Variants in CEMIP observed in about 807,000 individuals in gnomAD.
CEMIP encodes cell migration inducing hyaluronidase 1.
In CEMIP, 105 loss-of-function variants were observed where a neutral mutation model predicts 156.9. That is an observed-to-expected ratio of 0.67 (90% CI 0.57 to 0.79). The LOEUF is 0.79. Among genes scored for constraint, CEMIP ranks in the 30% least tolerant of loss-of-function variants. CEMIP has a pLI of 0.00. For synonymous variants in CEMIP, 676 were observed against 668.4 expected (o/e 1.01, Z -0.17); for missense variants, 1,457 against 1,769.4 (o/e 0.82, Z 3.17).
chr15:80,901,931 C>G (rs942562142), intron 12 of CEMIP, among the ~76,000 whole-genome samples: 1 of 152,178 alleles, frequency 6.6e-6, no homozygotes, highest in African/African-American at 2.4e-5. Context: ...CCCAAAGTCT[C>G]CACCTGAAGA....
Position 80,798,502 on chromosome 15 carries a change from G to A in CEMIP, c.-176+18888G>A, listed in dbSNP as rs115015950. Among the ~76,000 whole-genome samples the A allele has an allele frequency of 5.3e-3, 803 of 152,244 alleles. 7 individuals carry two copies. Among genetic ancestry groups the A allele is most frequent in the African/African-American group, 0.018 (738 of 41,572 alleles). On this transcript the variant is annotated intron_variant, in intron 1 of 29. Coordinates refer to ENST00000394685, the MANE Select transcript of CEMIP (RefSeq NM_001293298.2). ...TCAAATTAACAGTCTCACTAATTGT[G>A]TACAACAGTGTTATTTACACTGATA...
At chr15:80,875,787 G>A (rs143953536) in intron 3 of CEMIP, among the ~76,000 whole-genome samples, 2 of 152,170 alleles carry the variant, frequency 1.3e-5, no homozygotes, top group Non-Finnish European at 2.9e-5. Flanking sequence ...GCCCTCTTCA[G>A]ACACTTTCTG....
chr15:80,834,917 T>C (rs28669927), intron 1 of CEMIP, among the ~76,000 whole-genome samples: 1,698 of 152,288 alleles, frequency 0.011, 29 homozygotes, highest in African/African-American at 0.039. Flanking sequence ...TTTAGGCCTT[T>C]GAAAATTTGT....
At chr15:80,853,635 G>T (rs553560741) in intron 1 of CEMIP, among the ~76,000 whole-genome samples, 3 of 152,340 alleles carry the variant, frequency 2.0e-5, no homozygotes. Context: ...CTACTTGAGA[G>T]AGAAGATCAA....
At chr15:80,936,114 T>C (rs1450131269) in intron 23 of CEMIP, among the ~76,000 whole-genome samples, 2 of 152,220 alleles carry the variant, frequency 1.3e-5, no homozygotes, top group African/African-American at 4.8e-5. Flanking sequence ...CTGACAGTCT[T>C]GCTTTCAGTT....
chr15:80,848,900 G>GCACGCACACACACACACACA (rs1555430241), intron 1 of CEMIP, among the ~76,000 whole-genome samples: 4 of 134,576 alleles, frequency 3.0e-5, no homozygotes, highest in Admixed American at 7.6e-5. Context: ...GTGTGCGCGT[G>GCACGCACACACACACACACA]CACACACACA....
intron 10 of CEMIP, among the ~76,000 whole-genome samples, chr15:80,894,602 A>G (rs964673806): frequency 2.6e-5 from 4 of 152,146 alleles, no homozygotes; most frequent in African/African-American, 9.7e-5. Context: ...ATGCAGAACC[A>G]TGTTTGGACT....
At chr15:80,918,856 T>C (rs1366283648) in intron 14 of CEMIP, among the ~76,000 whole-genome samples, 1 of 152,062 alleles carries the variant, frequency 6.6e-6, no homozygotes, top group African/African-American at 2.4e-5. Flanking sequence ...GGGCCCAGGC[T>C]ACAGGCCCTC....
intron 1 of CEMIP, among the ~76,000 whole-genome samples, chr15:80,788,485 A>AAG (rs1307541649): frequency 2.0e-5 from 3 of 151,302 alleles, no homozygotes; most frequent in Non-Finnish European, 4.4e-5. Context: ...AAAAAAAAAA[A>AAG]AGAAAAAAGA....
chr15:80,825,663 G>T (rs1312817200), intron 1 of CEMIP, among the ~76,000 whole-genome samples: 1 of 152,220 alleles, frequency 6.6e-6, no homozygotes, highest in Non-Finnish European at 1.5e-5. Flanking sequence ...ACAAAAGTGA[G>T]AGAGGCAAAG....
intron 5 of CEMIP, 136 bp downstream of exon 5, chr15:80,879,990 A>ACCAAGCATAGGAATGT: frequency 1.0e-6 from 1 of 993,176 alleles, no homozygotes. Context: ...GATGGGGATC[A>ACCAAGCATAGGAATGT]TGAACAAGAC....
chr15:80,836,951 T>C (rs1897283763), intron 1 of CEMIP, among the ~76,000 whole-genome samples: 1 of 152,198 alleles, frequency 6.6e-6, no homozygotes, highest in African/African-American at 2.4e-5. Flanking sequence ...AGTTCTATTT[T>C]GGAAACGTTA....
At chr15:80,829,208 C>CT (rs1430405271) in intron 1 of CEMIP, among the ~76,000 whole-genome samples, 1 of 152,208 alleles carries the variant, frequency 6.6e-6, no homozygotes, top group African/African-American at 2.4e-5. Flanking sequence ...GCCCACATCC[C>CT]TGGCCTTCCT....
At chr15:80,907,673 G>A (rs912452299) in intron 13 of CEMIP, among the ~76,000 whole-genome samples, 22 of 152,294 alleles carry the variant, frequency 1.4e-4, no homozygotes, top group Middle Eastern at 3.4e-3. Flanking sequence ...GGTTCTTACC[G>A]CACAATATAG....
At position 80,920,222 on chromosome 15, in the gene CEMIP, C is replaced by T. The variant is rs1194154025; in HGVS notation, c.1926C>T (p.Asp642=). The change falls in exon 15 of 30, where the codon GAC becomes GAT. Residue 642 remains aspartate (D), a synonymous_variant. Transcript: ENST00000394685. ...LVKSGTLLPS[D]RDSKMCKMIT... is the part of the protein sequence containing the mutation. Reference sequence around the variant, plus strand: ...AGTCTGGAACCCTCCTCCCCTCGGACCGTGACAGCAAGATGTGCAAGATGA... The same window carrying T: ...AGTCTGGAACCCTCCTCCCCTCGGATCGTGACAGCAAGATGTGCAAGATGA... 1.4e-5 allele frequency: 23 copies of T among 1,614,240 alleles called. No homozygotes were observed. Among genetic ancestry groups the T allele is most frequent in the Non-Finnish European group, 1.7e-5 (20 of 1,180,046 alleles).
At chr15:80,885,743 A>C (rs35617389) in intron 7 of CEMIP, among the ~76,000 whole-genome samples, 26,049 of 152,196 alleles carry the variant, frequency 0.17, 2,353 homozygotes, top group South Asian at 0.26. Flanking sequence ...ACTATAGGAC[A>C]ATTAAATGTG....
chr15:80,803,394 A>G (rs193126925), intron 1 of CEMIP, among the ~76,000 whole-genome samples: 65 of 152,350 alleles, frequency 4.3e-4, no homozygotes, highest in African/African-American at 1.5e-3. Flanking sequence ...AAAGTATTCA[A>G]TTCAATTTTG....
rs1161531980 is a variant in CEMIP, at chr15:80,881,019, C to A, written c.500C>A (p.Thr167Asn). The change falls in exon 6 of 30, where the codon ACC (threonine) becomes AAC (asparagine). Residue 167 changes from threonine (T) to asparagine (N), a missense_variant. Transcript: ENST00000394685. ...KKLSWTFLNK[T>N]LHPGGMAEGG... ...CTCTCCTGGACATTTCTGAACAAGA[C>A]CCTTCACCCAGGTGGCATGGCAGAA... is the stretch of plus-strand genomic sequence containing the variant. 3.1e-6 allele frequency: 5 copies of A among 1,614,190 alleles called. No individual in the cohort carries two copies. Among genetic ancestry groups the A allele is most frequent in the Non-Finnish European group, 4.2e-6 (5 of 1,180,036 alleles).
rs142832573 is a variant in CEMIP, at chr15:80,803,949, T to C, written c.-176+24335T>C. ...TAATTTCTAAAGAAAAGAGATTTAATGGACTCACAGTTCCACAGCTGGGGA... is the reference window on the plus strand; with the variant it reads ...TAATTTCTAAAGAAAAGAGATTTAACGGACTCACAGTTCCACAGCTGGGGA... On this transcript the variant is annotated intron_variant, in intron 1 of 29. Transcript: ENST00000394685. Among the ~76,000 whole-genome samples the C allele has an allele frequency of 9.8e-5, 15 of 152,348 alleles. No homozygotes were observed. In the South Asian group the frequency reaches 2.9e-3, roughly 29 times the overall value.
Sources: allele counts gnomAD v4.1 joint callset (sites outside exome capture counted in the v4.1 genomes callset), GRCh38; gene constraint gnomAD v4.1.1; transcripts MANE v1.5; gene names NCBI Gene and HGNC (gene_info 2026-07-23, HGNC 2026-07-21).